The following FHIP1A variants were observed in gnomAD, a reference collection of about 807,000 sequenced individuals.
FHIP1A encodes FHF complex subunit HOOK interacting protein 1A.
In FHIP1A, 61 loss-of-function variants were observed where a neutral mutation model predicts 88.6. The ratio of observed to expected loss-of-function variants is 0.69; its 90% CI spans 0.56 to 0.85. The LOEUF (loss-of-function observed/expected upper bound fraction) is 0.85, where lower values mean the gene tolerates loss of function less well. Ranked by LOEUF, FHIP1A falls within the 40% of genes least tolerant of loss-of-function variation. FHIP1A has a pLI of 0.00. For synonymous variants in FHIP1A, 478 were observed against 496.0 expected (o/e 0.96, Z 0.48); for missense variants, 1,154 against 1,273.5 (o/e 0.91, Z 1.43).
chr4:151,630,009 GC>G, intron 8 of FHIP1A, 140 bp downstream of exon 8: 1 of 702,732 alleles, frequency 1.4e-6, no homozygotes, highest in Non-Finnish European at 2.3e-6. Context: ...TTGTTTTGTG[GC>G]CATTACCTTC....
intron 3 of FHIP1A, among the ~76,000 whole-genome samples, chr4:151,527,009 G>A (rs1181257714): frequency 1.3e-5 from 2 of 151,010 alleles, no homozygotes; most frequent in East Asian, 2.0e-4. Context: ...ATGGGATGGC[G>A]GCCGGGCAGA....
chr4:151,629,959 T>G, intron 8 of FHIP1A, 90 bp downstream of exon 8: 1 of 1,074,594 alleles, frequency 9.3e-7, no homozygotes, highest in Non-Finnish European at 1.3e-6. Flanking sequence ...AATATTCTCT[T>G]TTGCTCTCCT....
intron 1 of FHIP1A, among the ~76,000 whole-genome samples, chr4:151,442,254 T>C (rs1306296596): frequency 6.6e-6 from 1 of 152,116 alleles, no homozygotes; most frequent in Non-Finnish European, 1.5e-5. Context: ...TCTTGGTTAC[T>C]GTGCAGTTCC....
At chr4:151,495,148 C>G (rs756606110) in intron 3 of FHIP1A, among the ~76,000 whole-genome samples, 1 of 152,082 alleles carries the variant, frequency 6.6e-6, no homozygotes, top group Non-Finnish European at 1.5e-5. Context: ...GACTTCCTCT[C>G]TCCTTGGATT....
At chr4:151,662,408 C>G (rs1377408511) in intron 13 of FHIP1A, 93 bp from the exon 14 acceptor site, 5 of 1,353,764 alleles carry the variant, frequency 3.7e-6, no homozygotes, top group Non-Finnish European at 3.9e-6. Context: ...TAGATACTCT[C>G]CAGCAACTCT....
At chr4:151,644,941 G>A (rs1460079360) in intron 9 of FHIP1A, among the ~76,000 whole-genome samples, 1 of 152,148 alleles carries the variant, frequency 6.6e-6, no homozygotes, top group Non-Finnish European at 1.5e-5. Context: ...TGTTATTTCT[G>A]GTTACCAGAG....
intron 3 of FHIP1A, among the ~76,000 whole-genome samples, chr4:151,563,550 G>T (rs569599190): frequency 6.6e-6 from 1 of 152,170 alleles, no homozygotes; most frequent in African/African-American, 2.4e-5. Context: ...AACGTCTGAT[G>T]ATGCCATATT....
chr4:151,501,732 A>G (rs1451065390), intron 3 of FHIP1A, among the ~76,000 whole-genome samples: 1 of 149,538 alleles, frequency 6.7e-6, no homozygotes, highest in Non-Finnish European at 1.5e-5. Context: ...CTGTGGGGAA[A>G]TGTCTATTCA....
At position 151,650,063 on chromosome 4, in the gene FHIP1A, T is replaced by G. The variant is rs1270596809; in HGVS notation, c.2022T>G (p.Val674=). The G allele has an allele frequency of 4.5e-6, 7 of 1,551,598 alleles. No individual in the cohort carries two copies. In the South Asian group the frequency reaches 8.3e-5, roughly 18 times the overall value. ...ARPPAEAQAE[V]QSVPINNGPL... ...CACCAGCTGAAGCCCAGGCTGAAGT[T>G]CAGAGTGTCCCCATCAACAACGGCC... The change falls in exon 11 of 14, where the codon GTT becomes GTG. Residue 674 remains valine (V), a synonymous_variant. Transcript: ENST00000435205.
intron 8 of FHIP1A, among the ~76,000 whole-genome samples, chr4:151,632,896 A>C (rs1736208903): frequency 1.3e-5 from 2 of 151,990 alleles, no homozygotes; most frequent in Admixed American, 6.6e-5. Flanking sequence ...GCAACAACCT[A>C]ACTATACATC....
At chr4:151,569,087 T>C (rs1733499795) in intron 4 of FHIP1A, among the ~76,000 whole-genome samples, 1 of 152,114 alleles carries the variant, frequency 6.6e-6, no homozygotes, top group East Asian at 1.9e-4. Flanking sequence ...GAGCTCCAGT[T>C]TGACATAAGC....
intron 5 of FHIP1A, among the ~76,000 whole-genome samples, chr4:151,580,191 C>T (rs142864136): frequency 0.014 from 2,148 of 152,234 alleles, 22 homozygotes; most frequent in Non-Finnish European, 0.022. Context: ...CTTTTCTTCC[C>T]CATGACATTG....
chr4:151,531,172 A>C (rs1301730500), intron 3 of FHIP1A, among the ~76,000 whole-genome samples: 1 of 151,974 alleles, frequency 6.6e-6, no homozygotes, highest in Admixed American at 6.6e-5. Context: ...ATGTGCCAGC[A>C]ACCCTTTCAA....
chr4:151,666,463 T>G lies in FHIP1A; in HGVS notation c.*3709T>G, dbSNP rs899335147. Among the ~76,000 whole-genome samples the G allele has an allele frequency of 1.3e-5, 2 of 152,090 alleles. No individual in the cohort carries two copies. The highest frequency in any genetic ancestry group is 4.8e-5 in the African/African-American group (2 of 41,392). The stretch of plus-strand genomic sequence containing the variant: ...TCAGGAGTACCCTTTCCTTAGCAGG[T>G]GGATTTTATTTAGGTCAGATATAGT... On this transcript the variant is annotated 3_prime_UTR_variant, in exon 14 of 14. Coordinates refer to ENST00000435205, the MANE Select transcript of FHIP1A (RefSeq NM_001109977.3).
At chr4:151,548,926 C>T (rs1399089896) in intron 3 of FHIP1A, among the ~76,000 whole-genome samples, 1 of 152,214 alleles carries the variant, frequency 6.6e-6, no homozygotes, top group Non-Finnish European at 1.5e-5. Context: ...AAGGGTGCCC[C>T]TCGCAGATGG....
rs111483557 is a variant in FHIP1A, at chr4:151,614,162, C to CA, written c.979-15525dup. On this transcript the variant is annotated intron_variant, in intron 7 of 13. Transcript: ENST00000435205. ...TGGGTGACAGAGCAAGACTCCATCTCAAAAAAAAAAAAAAAGTTTTATAAG... is the reference window on the plus strand; with the variant it reads ...TGGGTGACAGAGCAAGACTCCATCTCAAAAAAAAAAAAAAAAGTTTTATAAG... Among the ~76,000 whole-genome samples the CA allele has an allele frequency of 5.2e-3, 642 of 122,452 alleles. 2 individuals carry two copies. Among genetic ancestry groups the CA allele is most frequent in the Non-Finnish European group, 8.0e-3 (467 of 58,578 alleles). The allele number at this position is 122,452 out of a possible 152,430, so 80.3% of individuals were successfully genotyped here. A position where few individuals can be genotyped will look rare whatever the true frequency, so the allele number is the denominator to read the frequency against.
chr4:151,622,764 C>A (rs1269231094), intron 7 of FHIP1A, among the ~76,000 whole-genome samples: 1 of 152,104 alleles, frequency 6.6e-6, no homozygotes, highest in Non-Finnish European at 1.5e-5. Context: ...CTTTGGAATA[C>A]CCCTCAGATC....
rs556445257 is a variant in FHIP1A, at chr4:151,415,182, G to T, written c.-356+5717G>T. 8.8e-5 allele frequency among the ~76,000 whole-genome samples: 13 copies of T among 148,402 alleles called. 1 individual carries two copies. Among genetic ancestry groups the T allele is most frequent in the East Asian group, 5.9e-4 (3 of 5,066 alleles). The stretch of plus-strand genomic sequence containing the variant: ...TGCATTGAATAGATATAGTTTTTTT[G>T]GTTTTTTTTTTTGTTTTTTTTTGAG... On this transcript the variant is annotated intron_variant, in intron 1 of 13. Coordinates refer to ENST00000435205, the MANE Select transcript of FHIP1A (RefSeq NM_001109977.3).
chr4:151,538,724 T>C (rs1174299013), intron 3 of FHIP1A, among the ~76,000 whole-genome samples: 3 of 152,138 alleles, frequency 2.0e-5, no homozygotes, highest in African/African-American at 4.8e-5. Flanking sequence ...GGCGGAACTG[T>C]GTATCTAGCT....
Sources: gnomAD v4.1 joint callset for allele counts (sites outside exome capture counted in the v4.1 genomes callset) on GRCh38, gnomAD v4.1.1 for gene constraint, MANE v1.5 for transcripts, NCBI Gene and HGNC (gene_info 2026-07-23, HGNC 2026-07-21) for gene names.